NDST4: variants seen among roughly 807,000 people sequenced by gnomAD.
NDST4 encodes N-heparan sulfate sulfotransferase 4.
Under a neutral mutation model 100.8 loss-of-function variants are expected in NDST4, and 63 were observed. That is an observed-to-expected ratio of 0.62 (90% CI 0.51 to 0.77). The LOEUF (loss-of-function observed/expected upper bound fraction) is 0.77, where lower values mean the gene tolerates loss of function less well. Among genes scored for constraint, NDST4 ranks in the 30% least tolerant of loss-of-function variants. The pLI, the probability that NDST4 is intolerant of heterozygous loss-of-function variation, is 0.00. For synonymous variants in NDST4, 377 were observed against 361.8 expected (o/e 1.04, Z -0.48); for missense variants, 943 against 1,018.4 (o/e 0.93, Z 1.01).
chr4:115,074,286 A>C (rs189732660), intron 2 of NDST4, among the ~76,000 whole-genome samples: 67 of 152,088 alleles, frequency 4.4e-4, no homozygotes, highest in African/African-American at 1.6e-3. Context: ...AAAAAGTGAA[A>C]TAGTTGAATT....
At chr4:114,847,179 A>T (rs1723567695) in intron 9 of NDST4, among the ~76,000 whole-genome samples, 1 of 131,732 alleles carries the variant, frequency 7.6e-6, no homozygotes, top group Non-Finnish European at 1.5e-5. Context: ...GATCGAGACC[A>T]TCCCGGCTAA....
chr4:114,977,416 G>A (rs532110712), intron 2 of NDST4, 142 bp from the exon 3 acceptor site: 5 of 464,494 alleles, frequency 1.1e-5, no homozygotes, highest in South Asian at 4.2e-5. Flanking sequence ...TGTAGTATTC[G>A]TATTTCAGGT....
At chr4:114,858,892 A>AGTAG (rs1414180022) in intron 7 of NDST4, among the ~76,000 whole-genome samples, 1 of 152,214 alleles carries the variant, frequency 6.6e-6, no homozygotes, top group Non-Finnish European at 1.5e-5. Context: ...TTTTTGTGCC[A>AGTAG]GTAGATTGGC....
intron 8 of NDST4, 60 bp downstream of exon 8, chr4:114,852,665 C>T (rs1039348825): frequency 2.6e-5 from 23 of 879,178 alleles, no homozygotes; most frequent in Non-Finnish European, 3.9e-5. Context: ...ATCCATATAC[C>T]AATGTATTTC....
chr4:115,075,875 T>C (rs183540954), intron 2 of NDST4, among the ~76,000 whole-genome samples, 184 bp downstream of exon 2: 2 of 151,290 alleles, frequency 1.3e-5, no homozygotes, highest in African/African-American at 4.8e-5. Flanking sequence ...CTGAAGCTTC[T>C]GGTGTGTGTA....
intron 10 of NDST4, among the ~76,000 whole-genome samples, chr4:114,843,810 T>G (rs1472822131): frequency 6.6e-6 from 1 of 152,152 alleles, no homozygotes; most frequent in Non-Finnish European, 1.5e-5. Flanking sequence ...ATCTCTAAAC[T>G]CTTTCCTTAG....
intron 11 of NDST4, among the ~76,000 whole-genome samples, chr4:114,838,366 A>G (rs1018280182): frequency 1.3e-5 from 2 of 152,208 alleles, no homozygotes; most frequent in African/African-American, 2.4e-5. Context: ...AGTCACATGT[A>G]CACGTATGTT....
chr4:115,072,277 C>T (rs980281981), intron 2 of NDST4, among the ~76,000 whole-genome samples: 2 of 151,952 alleles, frequency 1.3e-5, no homozygotes, highest in African/African-American at 2.4e-5. Context: ...TCTATGATAT[C>T]CAAAATGATC....
At chr4:114,858,339 G>T (rs919692431) in intron 7 of NDST4, among the ~76,000 whole-genome samples, 23 of 152,136 alleles carry the variant, frequency 1.5e-4, no homozygotes, top group Admixed American at 1.4e-3. Context: ...ACTATGAAAG[G>T]GCTCACAGAG....
At chr4:115,073,198 A>G (rs1489903279) in intron 2 of NDST4, among the ~76,000 whole-genome samples, 1 of 152,010 alleles carries the variant, frequency 6.6e-6, no homozygotes, top group Non-Finnish European at 1.5e-5. Context: ...AGAAGGGGGA[A>G]CCCTCATGTA....
intron 2 of NDST4, among the ~76,000 whole-genome samples, chr4:115,032,015 G>A (rs113999270): frequency 0.018 from 2,746 of 152,018 alleles, 36 homozygotes; most frequent in Non-Finnish European, 0.026. Context: ...AAGACCCACC[G>A]CCCCCTCCAA....
In NDST4 at chr4:115,061,499, C is replaced by A. The variant is rs112552821; in HGVS notation, c.978+14560G>T. 2.6e-3 allele frequency among the ~76,000 whole-genome samples: 403 copies of A among 152,146 alleles called. 1 individual carries two copies. The highest frequency in any genetic ancestry group is 4.7e-3 in the Non-Finnish European group (321 of 68,016). ...GAAAATGAATGAAGCTGGAAACCAT[C>A]ATTCTCAGCAAACTAAAACAGGAAC... On this transcript the variant is annotated intron_variant, in intron 2 of 13. Coordinates refer to ENST00000264363, the MANE Select transcript of NDST4 (RefSeq NM_022569.3).
chr4:114,894,701 C>T (rs767205019), intron 6 of NDST4, among the ~76,000 whole-genome samples: 14 of 152,194 alleles, frequency 9.2e-5, no homozygotes, highest in Non-Finnish European at 2.1e-4. Context: ...GACAACCTGA[C>T]TTCCTCTCTT....
chr4:115,108,034 A>G (rs1729865869), intron 1 of NDST4, among the ~76,000 whole-genome samples: 2 of 150,126 alleles, frequency 1.3e-5, no homozygotes, highest in Non-Finnish European at 3.0e-5. Context: ...ATTGTGTTTT[A>G]TTTTACTTAT....
intron 4 of NDST4, among the ~76,000 whole-genome samples, chr4:114,947,112 T>A (rs1725883517): frequency 6.6e-6 from 1 of 152,154 alleles, no homozygotes. Flanking sequence ...ACTTGTAATG[T>A]CTGGGCAGCA....
chr4:115,044,390 G>A (rs1728420648), intron 2 of NDST4, among the ~76,000 whole-genome samples: 1 of 152,130 alleles, frequency 6.6e-6, no homozygotes, highest in Non-Finnish European at 1.5e-5. Context: ...CAAGTGAGAA[G>A]AAAAGGGTAT....
chr4:114,895,307 C>A (rs2126207729), intron 6 of NDST4, among the ~76,000 whole-genome samples: 1 of 152,194 alleles, frequency 6.6e-6, no homozygotes, highest in Middle Eastern at 3.4e-3. Context: ...GGGGATATCA[C>A]CACTGACCCC....
intron 2 of NDST4, among the ~76,000 whole-genome samples, chr4:115,042,681 G>A (rs1728377337): frequency 6.6e-6 from 1 of 151,968 alleles, no homozygotes; most frequent in African/African-American, 2.4e-5. Context: ...CAAGGTTTAA[G>A]GAATCCACTA....
At position 115,020,057 on chromosome 4, in the gene NDST4, G is replaced by A. The variant is rs545433283; in HGVS notation, c.979-42783C>T. Among the ~76,000 whole-genome samples the A allele has an allele frequency of 7.1e-4, 108 of 152,176 alleles. 1 individual carries two copies. The highest frequency in any genetic ancestry group is 5.8e-4 in the East Asian group (3 of 5,166). On this transcript the variant is annotated intron_variant, in intron 2 of 13. Transcript: ENST00000264363. Reference sequence around the variant, plus strand: ...AAATGTAGATGCGCTGTTGGAATTGGGTAACGGATACAGGTTAGAAGAATT... The same window carrying A: ...AAATGTAGATGCGCTGTTGGAATTGAGTAACGGATACAGGTTAGAAGAATT...
Sources: gnomAD v4.1 joint callset for allele counts (sites outside exome capture counted in the v4.1 genomes callset) on GRCh38, gnomAD v4.1.1 for gene constraint, MANE v1.5 for transcripts, NCBI Gene and HGNC (gene_info 2026-07-23, HGNC 2026-07-21) for gene names.